AP4B1: variants seen among roughly 807,000 people sequenced by gnomAD.
AP4B1 encodes adaptor related protein complex 4 subunit beta 1.
Under a neutral mutation model 76.5 loss-of-function variants are expected in AP4B1, and 49 were observed. The observed-to-expected ratio is 0.64, with a 90% CI of 0.51 to 0.81. The LOEUF (loss-of-function observed/expected upper bound fraction) is 0.81, where lower values mean the gene tolerates loss of function less well. Among genes scored for constraint, AP4B1 ranks in the 40% least tolerant of loss-of-function variants. The probability of loss-of-function intolerance (pLI) is 0.00; values close to 1 mark genes in which losing one functional copy is unlikely to be tolerated. For missense variants in AP4B1, 911 were observed against 904.9 expected, an observed-to-expected ratio of 1.01 and a Z score of -0.09; for synonymous variants, 330 against 333.3, an observed-to-expected ratio of 0.99 and a Z score of 0.11.
chr1:113,899,311 A>G lies in AP4B1; in HGVS notation c.1115-510T>C, dbSNP rs1667913920. The G allele has an allele frequency of 9.9e-6, 10 of 1,014,822 alleles. No homozygotes were observed. In the South Asian group the frequency reaches 3.2e-4, roughly 32 times the overall value. The allele number at this position is 1,014,822 out of a possible 1,614,324, so 62.9% of individuals were successfully genotyped here. ...AACAGCTGTTTTCAGTTTTTGAGTC[A>G]CTCCAGCCTTTCAAATTCCAGACAG... On this transcript the variant is annotated intron_variant, in intron 5 of 9. Coordinates refer to ENST00000369569, the MANE Select transcript of AP4B1 (RefSeq NM_001253852.3).
chr1:113,903,726 A>AT (rs1443535152), intron 1 of AP4B1, among the ~76,000 whole-genome samples: 1 of 152,170 alleles, frequency 6.6e-6, no homozygotes, highest in Admixed American at 6.5e-5. Context: ...AGCAGCACAC[A>AT]TTTTTTTAAG....
intron 1 of AP4B1, among the ~76,000 whole-genome samples, 174 bp downstream of exon 1, chr1:113,904,431 A>G (rs1056525604): frequency 6.6e-6 from 1 of 152,234 alleles, no homozygotes; most frequent in Non-Finnish European, 1.5e-5. Context: ...CAGCTGAGTA[A>G]AAGATGCTGC....
Position 113,894,525 on chromosome 1 carries a change from A to C in AP4B1, c.*540T>G, listed in dbSNP as rs1299416861. On this transcript the variant is annotated 3_prime_UTR_variant, in exon 10 of 10. Transcript: ENST00000369569. ...GTTTAAGTTAACACAGAGGTGAAAG[A>C]AGCAGGTGTATAAAGGGAACTGCAA... Among the ~76,000 whole-genome samples the C allele has an allele frequency of 2.0e-5, 3 of 152,228 alleles. No individual in the cohort carries two copies. The highest frequency in any genetic ancestry group is 4.8e-5 in the African/African-American group (2 of 41,454).
rs5777170 is a variant in AP4B1 at position 113,897,142 on chromosome 1, C to CAAAAA, written c.1303-682_1303-678dup. ...TGGGCAACAGAGCTAGACTCTGTTT[C>CAAAAA]AAAAAAAAAAAAAAAGTTATCTGTC... On this transcript the variant is annotated intron_variant, in intron 7 of 9. Coordinates refer to ENST00000369569, the MANE Select transcript of AP4B1 (RefSeq NM_001253852.3). 6.1e-5 allele frequency: 7 copies of CAAAAA among 115,090 alleles called. 1 individual carries two copies. The highest frequency in any genetic ancestry group is 5.1e-4 in the East Asian group (2 of 3,922). The allele number at this position is 115,090 out of a possible 1,614,324, so 7.1% of individuals were successfully genotyped here. A position where few individuals can be genotyped will look rare whatever the true frequency, so the allele number is the denominator to read the frequency against.
chr1:113,903,569 G>A (rs1271475901), intron 1 of AP4B1, among the ~76,000 whole-genome samples: 4 of 152,162 alleles, frequency 2.6e-5, no homozygotes, highest in African/African-American at 9.7e-5. Context: ...AGGTGTAGAG[G>A]GGATTCAGAG....
At chr1:113,899,335 AG>A in intron 5 of AP4B1, 4 of 1,013,222 alleles carry the variant, frequency 3.9e-6, no homozygotes, top group Non-Finnish European at 4.7e-6. Context: ...AATTCCAGAC[AG>A]GGTACTATGA....
Position 113,896,882 on chromosome 1 carries a change from G to A in AP4B1, c.1303-417C>T, listed in dbSNP as rs536278093. 34 of 229,402 alleles carry A rather than the reference G, an allele frequency of 1.5e-4. No individual in the cohort carries two copies. In the South Asian group the frequency reaches 1.7e-3, roughly 11 times the overall value. The allele number at this position is 229,402 out of a possible 1,614,324, so 14.2% of individuals were successfully genotyped here. On this transcript the variant is annotated intron_variant, in intron 7 of 9. Transcript: ENST00000369569. ...CTGTCAGCCGGGCACGGTGGCTTAC[G>A]TCTGTAATCCCAGCACTTTGGGAGG...
chr1:113,896,669 CA>C (rs1165758755), intron 7 of AP4B1: 1 of 612,810 alleles, frequency 1.6e-6, no homozygotes, highest in Non-Finnish European at 2.9e-6. Flanking sequence ...AGAGGAAACT[CA>C]AAACTTTCAT....
chr1:113,902,461 A>G (rs2101042338), intron 2 of AP4B1, among the ~76,000 whole-genome samples, 177 bp downstream of exon 2: 1 of 152,348 alleles, frequency 6.6e-6, no homozygotes, highest in East Asian at 1.9e-4. Flanking sequence ...TCCCTCTAAT[A>G]AAATTATATG....
chr1:113,901,636 T>C, intron 3 of AP4B1, 119 bp downstream of exon 3: 1 of 1,463,408 alleles, frequency 6.8e-7, no homozygotes, highest in South Asian at 1.2e-5. Flanking sequence ...TGCATCCTAC[T>C]TAAAGAGATA....
chr1:113,895,163 T>C lies in AP4B1; in HGVS notation c.2122A>G (p.Ile708Val). The change falls in exon 10 of 10, where the codon ATC becomes GTC. Residue 708 changes from isoleucine to valine, a missense_variant. By Grantham distance (29) the Ile-to-Val change is conservative. Coordinates refer to ENST00000369569, the MANE Select transcript of AP4B1 (RefSeq NM_001253852.3). ...CTTGCTTCATTTTGTTTCACAGAGA[T>C]CTGCATTTCTGAGTTTCCAGGCTCC... ...LLEPGNSEMQ[I>V]SVKQNEARTE... 3 of 1,614,206 alleles carry C rather than the reference T, an allele frequency of 1.9e-6. No homozygotes were observed. The highest frequency in any genetic ancestry group is 2.7e-5 in the African/African-American group (2 of 75,048).
At chr1:113,896,553 G>T in intron 7 of AP4B1, 88 bp from the exon 8 acceptor site, 1 of 1,254,358 alleles carries the variant, frequency 8.0e-7, no homozygotes, top group Non-Finnish European at 1.2e-6. Flanking sequence ...TTTGCTTTTC[G>T]CTTAGTGCCA....
chr1:113,899,787 CA>C (rs1667975149), intron 5 of AP4B1, 116 bp downstream of exon 5: 1 of 1,528,736 alleles, frequency 6.5e-7, no homozygotes, highest in Non-Finnish European at 9.0e-7. Context: ...TTATTTAGTG[CA>C]TAGTACTTTG....
In AP4B1 at chr1:113,900,166, G is replaced by C; in HGVS notation, c.852C>G (p.Ala284=). The part of the protein sequence containing the change: ...LVRVKGPLLA[A]CSSESRELCF... ...AGAGCTCACGGCTCTCTGAAGAACA[G>C]GCAGCTAGCAAAGGTCCCTTGACCC... The change falls in exon 5 of 10, where the codon GCC becomes GCG. Residue 284 remains alanine (A), a synonymous_variant. Coordinates refer to ENST00000369569, the MANE Select transcript of AP4B1 (RefSeq NM_001253852.3). 6.2e-7 allele frequency: 1 copy of C among 1,614,192 alleles called. No homozygotes were observed. The highest frequency in any genetic ancestry group is 8.5e-7 in the Non-Finnish European group (1 of 1,180,034).
chr1:113,902,761 A>T lies in AP4B1; in HGVS notation c.215T>A (p.Met72Lys), dbSNP rs566369623. Residue 72 changes from methionine to lysine, a missense_variant, in exon 2 of 10, where the codon ATG (methionine) becomes AAG (lysine). Coordinates refer to ENST00000369569, the MANE Select transcript of AP4B1 (RefSeq NM_001253852.3). Reference sequence around the variant, plus strand: ...TGGTTTCAGGGGAGCATATGTGCACATGTACAGATAAACCAACTTCTTCTG... The same window carrying T: ...TGGTTTCAGGGGAGCATATGTGCACTTGTACAGATAAACCAACTTCTTCTG... ...IVQKKLVYLYMCTYAPLKPDL... is the reference protein window; with the variant it reads ...IVQKKLVYLYKCTYAPLKPDL... 2 of 1,614,238 alleles carry T rather than the reference A, an allele frequency of 1.2e-6. No homozygotes were observed. The highest frequency in any genetic ancestry group is 1.7e-6 in the Non-Finnish European group (2 of 1,180,044).
rs780654750 is a variant in AP4B1, at chr1:113,895,870, A to C, written c.1679T>G (p.Phe560Cys). Reference protein sequence around the residue: ...ERPVNSWASDFNTLVPVYGKA... With the variant: ...ERPVNSWASDCNTLVPVYGKA... ...GCCATACACTGGCACCAGTGTGTTG[A>C]AGTCTGAGGCCCAGCTATTCACAGG... Residue 560 changes from phenylalanine to cysteine, a missense_variant, in exon 9 of 10, where the codon TTC becomes TGC. By Grantham distance (205) the Phe-to-Cys change is radical. Transcript: ENST00000369569. 20 of 1,614,104 alleles carry C rather than the reference A, an allele frequency of 1.2e-5. No individual in the cohort carries two copies. In the South Asian group the frequency reaches 2.1e-4, roughly 17 times the overall value.
chr1:113,901,916 T>A, intron 2 of AP4B1, 31 bp from the exon 3 acceptor site: 1 of 1,613,954 alleles, frequency 6.2e-7, no homozygotes. Context: ...TTAGCCAGAT[T>A]CTGAAATACT....
chr1:113,904,666 ACAGAGCCTTCTT>A lies in AP4B1; in HGVS notation c.40_51del (p.Lys14_Leu17del), dbSNP rs1558099985. 6.2e-7 allele frequency: 1 copy of A among 1,613,276 alleles called. No homozygotes were observed. Among genetic ancestry groups the A allele is most frequent in the Admixed American group, 1.7e-5 (1 of 60,032 alleles). ...CTATCAGCTTGAATGTGAGGATTGC[ACAGAGCCTTCTT>A]CAGCTCCTTCACCACGTCCTCGGAG... On this transcript the variant is annotated inframe_deletion, in exon 1 of 10. Transcript: ENST00000369569.
intron 4 of AP4B1, 184 bp downstream of exon 4, chr1:113,901,052 A>G: frequency 1.3e-6 from 1 of 798,394 alleles, no homozygotes; most frequent in Admixed American, 2.7e-5. Context: ...GGTTGCGGTA[A>G]GCCGAGATAG....
Sources: gnomAD v4.1 joint callset for allele counts (sites outside exome capture counted in the v4.1 genomes callset) on GRCh38, gnomAD v4.1.1 for gene constraint, MANE v1.5 for transcripts, NCBI Gene and HGNC (gene_info 2026-07-23, HGNC 2026-07-21) for gene names.